The following KSR2 variants were observed in gnomAD, a reference collection of about 807,000 sequenced individuals.
KSR2 encodes the protein kinase suppressor of ras 2.
Under a neutral mutation model 107.8 loss-of-function variants are expected in KSR2, and 25 were observed. The observed-to-expected ratio is 0.23, with a 90% CI of 0.17 to 0.32. The LOEUF (loss-of-function observed/expected upper bound fraction) is 0.32, where lower values mean the gene tolerates loss of function less well. KSR2 is among the 10% of genes least tolerant of loss of function. KSR2 has a pLI of 1.00. For synonymous variants in KSR2, 480 were observed against 507.0 expected (o/e 0.95, Z 0.71); for missense variants, 887 against 1,268.9 (o/e 0.70, Z 4.57).
At chr12:117,480,865 A>C (rs565803748) in intron 16 of KSR2, among the ~76,000 whole-genome samples, 81 of 152,268 alleles carry the variant, frequency 5.3e-4, no homozygotes, top group African/African-American at 1.8e-3. Flanking sequence ...TAGGCACCTC[A>C]ACCCAATTCT....
intron 5 of KSR2, among the ~76,000 whole-genome samples, chr12:117,614,208 A>G (rs1247192391): frequency 6.6e-6 from 1 of 152,216 alleles, no homozygotes; most frequent in East Asian, 1.9e-4. Flanking sequence ...GAACACTACT[A>G]TATGTACAGA....
At chr12:117,489,540 C>T (rs1399454220) in intron 14 of KSR2, among the ~76,000 whole-genome samples, 1 of 136,450 alleles carries the variant, frequency 7.3e-6, no homozygotes, top group Non-Finnish European at 1.5e-5. Context: ...CAGAGTGAGA[C>T]CCTGTCTCAA....
chr12:117,869,043 A>T, intron 1 of KSR2, among the ~76,000 whole-genome samples: 1 of 150,066 alleles, frequency 6.7e-6, no homozygotes, highest in East Asian at 2.1e-4. Flanking sequence ...GTGGGCCACC[A>T]TGCCTGGCCG....
chr12:117,633,524 G>A (rs146438961), intron 5 of KSR2, among the ~76,000 whole-genome samples: 1 of 152,300 alleles, frequency 6.6e-6, no homozygotes, highest in Non-Finnish European at 1.5e-5. Context: ...TGAAATCAAG[G>A]TGTTGACAGG....
chr12:117,669,025 T>G (rs1220013197), intron 4 of KSR2, among the ~76,000 whole-genome samples: 2 of 152,118 alleles, frequency 1.3e-5, no homozygotes, highest in African/African-American at 4.8e-5. Flanking sequence ...CAGTTATAGA[T>G]TCATTCAAGA....
chr12:117,915,182 A>G (rs528011605), intron 1 of KSR2, among the ~76,000 whole-genome samples: 54 of 152,358 alleles, frequency 3.5e-4, no homozygotes, highest in Admixed American at 1.6e-3. Context: ...TGGATGGCTT[A>G]TAAACAACAG....
At chr12:117,549,513 A>G (rs879591325) in intron 9 of KSR2, among the ~76,000 whole-genome samples, 2 of 151,976 alleles carry the variant, frequency 1.3e-5, no homozygotes, top group Non-Finnish European at 2.9e-5. Context: ...TAGACTAGGC[A>G]CTCCCTGAGA....
chr12:117,966,655 T>TCTCTCTTTCTCTCTCTCCCTCC (rs1445004585), intron 1 of KSR2, among the ~76,000 whole-genome samples: 8 of 135,856 alleles, frequency 5.9e-5, no homozygotes, highest in Non-Finnish European at 1.3e-4. Flanking sequence ...ACATGCTGTC[T>TCTCTCTTTCTCTCTCTCCCTCC]CTCTCTTTCT....
intron 3 of KSR2, among the ~76,000 whole-genome samples, chr12:117,806,793 T>C (rs1891023243): frequency 1.3e-5 from 2 of 152,214 alleles, no homozygotes; most frequent in South Asian, 4.1e-4. Flanking sequence ...TTTTTCACTT[T>C]GTCTAATCTT....
In KSR2 at chr12:117,869,612, T is replaced by C. The variant is rs563991543; in HGVS notation, c.181-9181A>G. ...TTTTCCTCTCACATAAATGATATCA[T>C]ACAGCATGCACTTTTGTGCACTTGC... On this transcript the variant is annotated intron_variant, in intron 1 of 19. Transcript: ENST00000339824. Among the ~76,000 whole-genome samples the C allele has an allele frequency of 1.5e-3, 222 of 152,350 alleles. 1 individual carries two copies. Among genetic ancestry groups the C allele is most frequent in the African/African-American group, 5.1e-3 (214 of 41,594 alleles).
At chr12:117,674,351 G>A in intron 4 of KSR2, 1 of 483,020 alleles carries the variant, frequency 2.1e-6, no homozygotes, top group Non-Finnish European at 4.2e-6. Context: ...TTGCTTTTTT[G>A]TTATACTAAA....
At chr12:117,876,404 G>C (rs1791105063) in intron 1 of KSR2, among the ~76,000 whole-genome samples, 1 of 152,250 alleles carries the variant, frequency 6.6e-6, no homozygotes, top group Non-Finnish European at 1.5e-5. Flanking sequence ...GGACCCAACA[G>C]TCTGGGGCAG....
rs1180300060 is a variant in KSR2, at chr12:117,592,200, G to A, written c.1172-9841C>T. 3.4e-5 allele frequency among the ~76,000 whole-genome samples: 5 copies of A among 149,078 alleles called. No individual in the cohort carries two copies. The South Asian group carries it at 6.5e-4, about 19-fold the overall frequency. Reference sequence around the variant, plus strand: ...GCAATCTCCACTCACTGCAACCTCCGCCTCCCAGGTTCTAGTGATTCTTCT... The same window carrying A: ...GCAATCTCCACTCACTGCAACCTCCACCTCCCAGGTTCTAGTGATTCTTCT... On this transcript the variant is annotated intron_variant, in intron 5 of 19. Coordinates refer to ENST00000339824, the MANE Select transcript of KSR2 (RefSeq NM_173598.6).
intron 9 of KSR2, among the ~76,000 whole-genome samples, chr12:117,545,424 TC>T (rs1302853431): frequency 1.3e-5 from 2 of 152,184 alleles, no homozygotes; most frequent in Non-Finnish European, 1.5e-5. Context: ...TCTGGAGATT[TC>T]TTTTTTTGGA....
At chr12:117,709,532 C>T (rs1010706522) in intron 4 of KSR2, among the ~76,000 whole-genome samples, 10 of 152,086 alleles carry the variant, frequency 6.6e-5, no homozygotes, top group Non-Finnish European at 2.9e-5. Context: ...CTATCTTGCT[C>T]GGCCTGCTCA....
At chr12:117,721,181 C>T (rs1202314777) in intron 4 of KSR2, among the ~76,000 whole-genome samples, 1 of 152,156 alleles carries the variant, frequency 6.6e-6, no homozygotes, top group Non-Finnish European at 1.5e-5. Flanking sequence ...AACACCAAAC[C>T]TCTGGAAATA....
At chr12:117,620,193 A>T (rs1882111817) in intron 5 of KSR2, among the ~76,000 whole-genome samples, 1 of 152,196 alleles carries the variant, frequency 6.6e-6, no homozygotes, top group Admixed American at 6.5e-5. Flanking sequence ...AAGGACACCA[A>T]GATCTGAACC....
intron 4 of KSR2, among the ~76,000 whole-genome samples, chr12:117,690,501 G>C (rs1323208728): frequency 1.3e-5 from 2 of 151,456 alleles, no homozygotes; most frequent in Non-Finnish European, 2.9e-5. Flanking sequence ...GGAGGCGGAG[G>C]TTGCAGTGAG....
chr12:117,494,596 C>T (rs1872922910), intron 14 of KSR2, among the ~76,000 whole-genome samples: 1 of 152,162 alleles, frequency 6.6e-6, no homozygotes, highest in Non-Finnish European at 1.5e-5. Flanking sequence ...CAGAATGGTC[C>T]TGGCACAGTG....
Sources: allele counts gnomAD v4.1 joint callset (sites outside exome capture counted in the v4.1 genomes callset), GRCh38; gene constraint gnomAD v4.1.1; transcripts MANE v1.5; gene names NCBI Gene and HGNC (gene_info 2026-07-23, HGNC 2026-07-21).